Variants in MMS22L observed in about 807,000 individuals in gnomAD.
MMS22L encodes MMS22 like, DNA repair protein.
Under a neutral mutation model 159.1 loss-of-function variants are expected in MMS22L, and 74 were observed. That is an observed-to-expected ratio of 0.47 (90% CI 0.39 to 0.56). The LOEUF is 0.56. Among genes scored for constraint, MMS22L ranks in the 20% least tolerant of loss-of-function variants. The probability of loss-of-function intolerance (pLI) is 0.00; values close to 1 mark genes in which losing one functional copy is unlikely to be tolerated. For missense variants in MMS22L, 1,351 were observed against 1,422.1 expected (o/e 0.95, Z 0.80); for synonymous variants, 517 against 506.9 (o/e 1.02, Z -0.27).
intron 14 of MMS22L, among the ~76,000 whole-genome samples, chr6:97,225,315 C>T (rs984842110): frequency 6.6e-6 from 1 of 151,668 alleles, no homozygotes; most frequent in African/African-American, 2.4e-5. Context: ...AAGTCTAATA[C>T]GCCTATTACC....
At chr6:97,206,337 G>T (rs62413924) in intron 14 of MMS22L, among the ~76,000 whole-genome samples, 1 of 146,256 alleles carries the variant, frequency 6.8e-6, no homozygotes, top group East Asian at 2.0e-4. Flanking sequence ...AAAAAAAAAG[G>T]CTGCTGGAGA....
intron 14 of MMS22L, among the ~76,000 whole-genome samples, chr6:97,198,192 G>A (rs190037087): frequency 2.6e-5 from 4 of 152,120 alleles, no homozygotes; most frequent in African/African-American, 9.7e-5. Context: ...CTGTTCGAGA[G>A]GCCACAGACA....
upstream of MMS22L, chr6:97,283,737 G>A (rs1816982972): frequency 1.3e-5 from 2 of 152,144 alleles, no homozygotes; most frequent in African/African-American, 4.8e-5. Flanking sequence ...CCCAACAATA[G>A]CAGAATACAC....
At chr6:97,193,715 C>A (rs191386840) in intron 14 of MMS22L, among the ~76,000 whole-genome samples, 1 of 152,104 alleles carries the variant, frequency 6.6e-6, no homozygotes, top group East Asian at 1.9e-4. Context: ...GTTTTTAATT[C>A]CTGACGCAGT....
In MMS22L at chr6:97,272,824, C is replaced by A. The variant is rs780178798; in HGVS notation, c.486G>T (p.Leu162Phe). The A allele has an allele frequency of 6.2e-7, 1 of 1,613,984 alleles. No individual in the cohort carries two copies. The highest frequency in any genetic ancestry group is 1.3e-5 in the African/African-American group (1 of 75,020). Residue 162 changes from leucine to phenylalanine, a missense_variant, in exon 6 of 25, where the codon TTG (leucine) becomes TTT (phenylalanine). Physicochemically the swap from Leu to Phe is conservative, Grantham distance 22 (BLOSUM62 0). Coordinates refer to ENST00000683635, the MANE Select transcript of MMS22L (RefSeq NM_001350599.2). ...SHVPVHPYEALEAQLPSVLID... is the reference protein window; with the variant it reads ...SHVPVHPYEAFEAQLPSVLID... ...TCAACACTGAGGGAAGCTGAGCCTC[C>A]AAAGCCTCATAAGGATGGACAGGAA...
chr6:97,269,490 C>G (rs919516157), intron 7 of MMS22L, among the ~76,000 whole-genome samples: 10 of 152,084 alleles, frequency 6.6e-5, no homozygotes, highest in Admixed American at 3.3e-4. Context: ...ATGAAAGTAA[C>G]TTCAATGTTT....
rs1392121014 is a variant in MMS22L, at chr6:97,190,384, T to C, written c.2040-3694A>G. On this transcript the variant is annotated intron_variant, in intron 14 of 24. Transcript: ENST00000683635. The stretch of plus-strand genomic sequence containing the variant: ...ACAAGGATGTAGGATCTCCCAACAC[T>C]TGGCAATTGTTTTATTTGAGTAAAG... 4.6e-5 allele frequency among the ~76,000 whole-genome samples: 7 copies of C among 152,306 alleles called. No homozygotes were observed. The East Asian group carries it at 1.4e-3, about 29-fold the overall frequency.
intron 4 of MMS22L, among the ~76,000 whole-genome samples, chr6:97,274,514 T>C (rs1816063526): frequency 6.6e-6 from 1 of 152,068 alleles, no homozygotes; most frequent in African/African-American, 2.4e-5. Context: ...GTTTTCAGGC[T>C]CTGGACACAA....
chr6:97,258,566 A>G (rs898655374), intron 9 of MMS22L: 12 of 152,170 alleles, frequency 7.9e-5, no homozygotes, highest in African/African-American at 1.4e-4. Flanking sequence ...ATTGCATACT[A>G]TAACAAATTC....
intron 11 of MMS22L, among the ~76,000 whole-genome samples, chr6:97,237,666 G>A (rs776292346): frequency 2.0e-5 from 3 of 152,136 alleles, no homozygotes; most frequent in South Asian, 2.1e-4. Context: ...TGAGATCTGG[G>A]TTCTGATGCT....
chr6:97,176,312 C>A (rs1410049206), intron 18 of MMS22L, among the ~76,000 whole-genome samples: 3 of 151,940 alleles, frequency 2.0e-5, no homozygotes, highest in Non-Finnish European at 2.9e-5. Flanking sequence ...AACACCAGTG[C>A]CTTAGACTTC....
chr6:97,155,764 C>T (rs898020322), intron 22 of MMS22L, among the ~76,000 whole-genome samples: 9 of 151,370 alleles, frequency 5.9e-5, no homozygotes, highest in East Asian at 3.9e-4. Flanking sequence ...CAATAGACTT[C>T]GCTATTGTAA....
chr6:97,157,053 G>C (rs1293077951), intron 22 of MMS22L, among the ~76,000 whole-genome samples: 4 of 152,060 alleles, frequency 2.6e-5, no homozygotes, highest in African/African-American at 9.7e-5. Context: ...GTGTAAGTTA[G>C]ATGCCTAGGT....
At position 97,233,891 on chromosome 6, in the gene MMS22L, G is replaced by A. The variant is rs2128005676; in HGVS notation, c.1272C>T (p.Thr424=). 6.2e-7 allele frequency: 1 copy of A among 1,608,530 alleles called. No homozygotes were observed. Among genetic ancestry groups the A allele is most frequent in the Admixed American group, 1.7e-5 (1 of 59,154 alleles). ...DFWEPNIAIV[T]ILWEYYSKNL... Reference sequence around the variant, plus strand: ...TCTTACTATAATATTCCCATAAAATGGTAACAATTGCAATGTTTGGCTCCC... The same window carrying A: ...TCTTACTATAATATTCCCATAAAATAGTAACAATTGCAATGTTTGGCTCCC... The change falls in exon 12 of 25, where the codon ACC becomes ACT. Residue 424 remains threonine (T), a synonymous_variant. Coordinates refer to ENST00000683635, the MANE Select transcript of MMS22L (RefSeq NM_001350599.2).
At chr6:97,245,607 A>G (rs1043698117) in intron 11 of MMS22L, among the ~76,000 whole-genome samples, 5 of 152,282 alleles carry the variant, frequency 3.3e-5, no homozygotes, top group African/African-American at 1.2e-4. Flanking sequence ...GACAAAATAC[A>G]ATAAACAAAA....
At chr6:97,245,880 C>CACACAG (rs1554274631) in intron 11 of MMS22L, 4 of 186,760 alleles carry the variant, frequency 2.1e-5, no homozygotes, top group African/African-American at 1.1e-4. Context: ...CACACACACA[C>CACACAG]ACACACACAC....
chr6:97,239,058 A>G (rs896595825), intron 11 of MMS22L, among the ~76,000 whole-genome samples: 57 of 151,422 alleles, frequency 3.8e-4, no homozygotes, highest in Non-Finnish European at 7.1e-4. Context: ...CACAGTCTAA[A>G]CAGTAACTGT....
chr6:97,266,947 T>C (rs182767093), intron 8 of MMS22L: 2 of 152,166 alleles, frequency 1.3e-5, no homozygotes, highest in East Asian at 3.9e-4. Flanking sequence ...ATGTACTATA[T>C]TGTATTCTTG....
intron 10 of MMS22L, among the ~76,000 whole-genome samples, chr6:97,251,855 G>T (rs568429635): frequency 6.6e-6 from 1 of 151,820 alleles, no homozygotes; most frequent in East Asian, 1.9e-4. Context: ...AGGCCGAAGC[G>T]GGCGGATCAC....
Sources: allele counts gnomAD v4.1 joint callset (sites outside exome capture counted in the v4.1 genomes callset), GRCh38; gene constraint gnomAD v4.1.1; transcripts MANE v1.5; gene names NCBI Gene and HGNC (gene_info 2026-07-23, HGNC 2026-07-21).